The following PPFIA3 variants were observed in gnomAD, a reference collection of about 807,000 sequenced individuals.
PPFIA3 encodes liprin-alpha-3.
In PPFIA3, 26 loss-of-function variants were observed where a neutral mutation model predicts 145.8. The observed-to-expected ratio is 0.18, with a 90% CI of 0.13 to 0.25. The LOEUF is 0.25. Among genes scored for constraint, PPFIA3 ranks in the 10% least tolerant of loss-of-function variants. The pLI, the probability that PPFIA3 is intolerant of heterozygous loss-of-function variation, is 1.00. For missense variants in PPFIA3, 1,008 were observed against 1,587.8 expected, an observed-to-expected ratio of 0.63 and a Z score of 6.21; for synonymous variants, 645 against 661.4, an observed-to-expected ratio of 0.98 and a Z score of 0.38.
At chr19:49,142,699 G>A in intron 20 of PPFIA3, 105 bp from the exon 21 acceptor site, 2 of 993,232 alleles carry the variant, frequency 2.0e-6, no homozygotes, top group Non-Finnish European at 1.5e-6. Flanking sequence ...TCTCTGTTTC[G>A]CTCCCCACCC....
rs541468176 is a variant in PPFIA3, at chr19:49,141,581, T to C, written c.2462+68T>C. 1.1e-4 allele frequency: 139 copies of C among 1,263,260 alleles called. No homozygotes were observed. The Middle Eastern group carries it at 3.0e-3, about 27-fold the overall frequency. 78.3% of individuals were successfully genotyped at this position (1,263,260 alleles called of 1,614,324 possible). Reference sequence around the variant, plus strand: ...GTGAGAGTGTGTGAGGGTGTGTGTGTGCGTGTATGTGTGTGTATGAGTGTG... The same window carrying C: ...GTGAGAGTGTGTGAGGGTGTGTGTGCGCGTGTATGTGTGTGTATGAGTGTG... On this transcript the variant is annotated intron_variant, in intron 19 of 29. Coordinates refer to ENST00000334186, the MANE Select transcript of PPFIA3 (RefSeq NM_003660.4).
chr19:49,145,661 T>G (rs2041271720), intron 21 of PPFIA3: 1 of 477,336 alleles, frequency 2.1e-6, no homozygotes, highest in East Asian at 4.0e-5. Context: ...ATTCTGTACC[T>G]CTGTGTGAGG....
chr19:49,149,836 G>C lies in PPFIA3; in HGVS notation c.3526+118G>C. 1 of 1,314,632 alleles carries C rather than the reference G, an allele frequency of 7.6e-7. No individual in the cohort carries two copies. Among genetic ancestry groups the C allele is most frequent in the Non-Finnish European group, 1.0e-6 (1 of 975,240 alleles). 81.4% of individuals were successfully genotyped at this position (1,314,632 alleles called of 1,614,324 possible). ...CTTTCTCGCCCACCCCTGAGGAATG[G>C]ACTGCTCCAACGTTCCGGACTCCCC... On this transcript the variant is annotated intron_variant, in intron 28 of 29. Transcript: ENST00000334186. The surrounding 1 kb of genome is among the most constrained non-coding windows in gnomAD (Gnocchi z 5.7).
In PPFIA3 at chr19:49,128,790, TCACA is replaced by T; in HGVS notation, c.343-57_343-54del. The T allele has an allele frequency of 6.8e-7, 1 of 1,476,398 alleles. No individual in the cohort carries two copies. 91.5% of individuals were successfully genotyped at this position (1,476,398 alleles called of 1,614,324 possible). On this transcript the variant is annotated intron_variant, in intron 3 of 29. Transcript: ENST00000334186. The surrounding 1 kb of genome is among the most constrained non-coding windows in gnomAD (Gnocchi z 4.1). ...TCCGCCCTACCTGTCACCCTTTTTC[TCACA>T]TCTGCCCCTTTTCCCTTGCCTCTTT...
rs566659409 is a variant in PPFIA3 at position 49,132,344 on chromosome 19, G to A, written c.880-657G>A. ...GTGGAGGTTGCAGTGAGCCGAGATC[G>A]CACCACTGCACTCTAGCCTGGGTGA... On this transcript the variant is annotated intron_variant, in intron 7 of 29. Coordinates refer to ENST00000334186, the MANE Select transcript of PPFIA3 (RefSeq NM_003660.4). Among the ~76,000 whole-genome samples, 13 of 125,566 alleles carry A rather than the reference G, an allele frequency of 1.0e-4. No homozygotes were observed. The East Asian group carries it at 2.3e-3, about 22-fold the overall frequency. 82.4% of individuals were successfully genotyped at this position (125,566 alleles called of 152,430 possible). A position where few individuals can be genotyped will look rare whatever the true frequency, so the allele number is the denominator to read the frequency against.
Position 49,128,062 on chromosome 19 carries a change from C to T in PPFIA3, c.189C>T (p.Leu63=), listed in dbSNP as rs2041024103. The T allele has an allele frequency of 1.3e-6, 2 of 1,591,152 alleles. No homozygotes were observed. The highest frequency in any genetic ancestry group is 1.3e-5 in the African/African-American group (1 of 74,560). Residue 63 remains leucine, a synonymous_variant, in exon 2 of 30, where the codon CTC becomes CTT. Transcript: ENST00000334186. The surrounding 1 kb of genome is among the most constrained non-coding windows in gnomAD (Gnocchi z 4.1). ...LATAQLRLRE[L]GHEKDSLQRQ... ...CAGCGCAGCTGCGGCTGCGCGAGCTCGGCCACGAGAAGGACTCGCTGCAGC... is the reference window on the plus strand; with the variant it reads ...CAGCGCAGCTGCGGCTGCGCGAGCTTGGCCACGAGAAGGACTCGCTGCAGC...
intron 1 of PPFIA3, among the ~76,000 whole-genome samples, chr19:49,125,668 T>A (rs966239800): frequency 3.3e-5 from 5 of 152,186 alleles, no homozygotes; most frequent in Non-Finnish European, 5.9e-5. Flanking sequence ...AGGAGGAGCC[T>A]GAAGCCTGGG....
Position 49,148,660 on chromosome 19 carries a change from G to A in PPFIA3, c.3012-6G>A. The A allele has an allele frequency of 6.2e-7, 1 of 1,607,542 alleles. No individual in the cohort carries two copies. The highest frequency in any genetic ancestry group is 8.5e-7 in the Non-Finnish European group (1 of 1,174,216). On this transcript the variant is annotated splice_region_variant and splice_polypyrimidine_tract_variant and intron_variant, in intron 24 of 29. Transcript: ENST00000334186. ...CATCCGTGACTCCACTTCCCCTGCT[G>A]CTCAGGGTGAGTCTACATTATGGGA... is the stretch of plus-strand genomic sequence containing the variant.
chr19:49,132,954 C>T, intron 7 of PPFIA3, 47 bp from the exon 8 acceptor site: 1 of 1,586,494 alleles, frequency 6.3e-7, no homozygotes, highest in East Asian at 2.3e-5. Context: ...TCCCCGTCCT[C>T]TCCCCCAGGG....
In PPFIA3 at chr19:49,129,641, G is replaced by A. The variant is rs1409752413; in HGVS notation, c.582+187G>A. Reference sequence around the variant, plus strand: ...CCTAAGTGGGCACGCATTGCGCAGGGCTACGGGGAGAATCTCCCAGTGAGA... The same window carrying A: ...CCTAAGTGGGCACGCATTGCGCAGGACTACGGGGAGAATCTCCCAGTGAGA... On this transcript the variant is annotated intron_variant, in intron 5 of 29. Transcript: ENST00000334186. Among the ~76,000 whole-genome samples, 3 of 152,324 alleles carry A rather than the reference G, an allele frequency of 2.0e-5. No individual in the cohort carries two copies. In the East Asian group the frequency reaches 5.8e-4, roughly 29 times the overall value.
intron 7 of PPFIA3, among the ~76,000 whole-genome samples, chr19:49,132,680 A>C (rs2041089990): frequency 6.6e-6 from 1 of 152,142 alleles, no homozygotes; most frequent in Admixed American, 6.5e-5. Context: ...CTATGCCAGA[A>C]ATTAGTGAGA....
chr19:49,128,029 G>T lies in PPFIA3; in HGVS notation c.156G>T (p.Gly52=). 6.3e-7 allele frequency: 1 copy of T among 1,596,718 alleles called. No individual in the cohort carries two copies. The highest frequency in any genetic ancestry group is 8.5e-7 in the Non-Finnish European group (1 of 1,179,104). The change falls in exon 2 of 30, where the codon GGG becomes GGT. Residue 52 remains glycine, a synonymous_variant. Transcript: ENST00000334186. This position sits in a 1 kb window ranked among gnomAD's most constrained non-coding sequence, Gnocchi z 4.1. ...AGACGCTGCGCGAGGCACAGGACGG[G>T]TTGGCTACAGCGCAGCTGCGGCTGC... ...LLETLREAQD[G]LATAQLRLRE... is the part of the protein sequence containing the mutation.
intron 1 of PPFIA3, among the ~76,000 whole-genome samples, chr19:49,123,939 CTCT>C (rs140955170): frequency 0.011 from 1,696 of 152,266 alleles, 38 homozygotes; most frequent in African/African-American, 0.038. Flanking sequence ...TCTAGGCTCT[CTCT>C]TCTTCTGGAG....
chr19:49,130,236 C>T lies in PPFIA3; in HGVS notation c.658-142C>T. 8.9e-7 allele frequency: 1 copy of T among 1,118,280 alleles called. No homozygotes were observed. Among genetic ancestry groups the T allele is most frequent in the Non-Finnish European group, 1.3e-6 (1 of 793,312 alleles). 69.3% of individuals were successfully genotyped at this position (1,118,280 alleles called of 1,614,324 possible). ...GTCACCTAGCGAACTTCTGTGACCT[C>T]CTTCACTGACCCCCGTGGACTCTGA... On this transcript the variant is annotated intron_variant, in intron 6 of 29. Transcript: ENST00000334186. This position sits in a 1 kb window ranked among gnomAD's most constrained non-coding sequence, Gnocchi z 4.5.
At chr19:49,148,810 G>T in intron 25 of PPFIA3, 47 bp downstream of exon 25, 1 of 1,574,216 alleles carries the variant, frequency 6.4e-7, no homozygotes, top group South Asian at 1.1e-5. Context: ...GGAGGGCGTG[G>T]AGCTGGATGG....
Position 49,128,700 on chromosome 19 carries a change from A to T in PPFIA3, c.343-148A>T. ...CTGTACCACCGGTTCCTTGACCCCG[A>T]CCTCCTCTCTTTTCCTGACCTGTCT... On this transcript the variant is annotated intron_variant, in intron 3 of 29. Transcript: ENST00000334186. This position sits in a 1 kb window ranked among gnomAD's most constrained non-coding sequence, Gnocchi z 4.1. 2.5e-6 allele frequency: 2 copies of T among 805,724 alleles called. No homozygotes were observed. The highest frequency in any genetic ancestry group is 2.9e-5 in the Admixed American group (1 of 34,062). The allele number at this position is 805,724 out of a possible 1,614,324, so 49.9% of individuals were successfully genotyped here. A position where few individuals can be genotyped will look rare whatever the true frequency, so the allele number is the denominator to read the frequency against.
At chr19:49,147,420 T>C (rs2041292692) in intron 23 of PPFIA3, among the ~76,000 whole-genome samples, 1 of 152,062 alleles carries the variant, frequency 6.6e-6, no homozygotes, top group Non-Finnish European at 1.5e-5. Context: ...GCGCGGTGGC[T>C]CATGCCTGTA....
At chr19:49,137,883 C>T (rs2041160833) in intron 15 of PPFIA3, among the ~76,000 whole-genome samples, 1 of 152,112 alleles carries the variant, frequency 6.6e-6, no homozygotes, top group Non-Finnish European at 1.5e-5. Flanking sequence ...TCTTACAGGC[C>T]ACCTTGAACT....
intron 7 of PPFIA3, among the ~76,000 whole-genome samples, chr19:49,132,095 C>G (rs983167124): frequency 6.6e-6 from 1 of 150,962 alleles, no homozygotes; most frequent in Non-Finnish European, 1.5e-5. Context: ...ATCCGTACCA[C>G]TGCACTCCAG....
Sources: gnomAD v4.1 joint callset for allele counts (sites outside exome capture counted in the v4.1 genomes callset) on GRCh38, gnomAD v4.1.1 for gene constraint, Gnocchi (gnomAD v3.1) non-coding constraint, MANE v1.5 for transcripts, NCBI Gene and HGNC (gene_info 2026-07-23, HGNC 2026-07-21) for gene names.